The following LRP1B variants were observed in gnomAD, a reference collection of about 807,000 sequenced individuals.
LRP1B encodes the protein low-density lipoprotein receptor-related protein 1B.
LRP1B carries 217 observed loss-of-function variants against 556.6 expected under a neutral mutation model. The ratio of observed to expected loss-of-function variants is 0.39; its 90% confidence interval spans 0.35 to 0.44. LRP1B has a LOEUF of 0.44. Ranked by LOEUF, LRP1B falls within the 20% of genes least tolerant of loss-of-function variation. The pLI is 1.00. For missense variants in LRP1B, 5,053 were observed against 5,620.8 expected, an observed-to-expected ratio of 0.90 and a Z score of 3.23; for synonymous variants, 2,047 against 1,865.8, an observed-to-expected ratio of 1.10 and a Z score of -2.50.
At chr2:140,912,265 T>G (rs1694441920) in intron 21 of LRP1B, among the ~76,000 whole-genome samples, 1 of 151,742 alleles carries the variant, frequency 6.6e-6, no homozygotes, top group Non-Finnish European at 1.5e-5. Context: ...TTAAACATAT[T>G]GATTTTTACT....
At chr2:141,383,924 C>T in intron 3 of LRP1B, among the ~76,000 whole-genome samples, 1 of 152,080 alleles carries the variant, frequency 6.6e-6, no homozygotes, top group East Asian at 1.9e-4. Flanking sequence ...AAGTTCTAGA[C>T]ATCAATTTTA....
chr2:141,263,990 C>A (rs570334142), intron 3 of LRP1B, among the ~76,000 whole-genome samples: 1 of 152,210 alleles, frequency 6.6e-6, no homozygotes, highest in African/African-American at 2.4e-5. Flanking sequence ...TTTCTTCAAC[C>A]TAATGAATGA....
chr2:141,269,872 T>A (rs528229858), intron 3 of LRP1B, among the ~76,000 whole-genome samples: 1 of 152,076 alleles, frequency 6.6e-6, no homozygotes, highest in Non-Finnish European at 1.5e-5. Context: ...TAAATACATT[T>A]AAAAAACTTT....
intron 1 of LRP1B, among the ~76,000 whole-genome samples, chr2:141,916,726 A>G (rs1469530090): frequency 6.6e-6 from 1 of 151,922 alleles, no homozygotes. Flanking sequence ...TTGGGTAATC[A>G]TAGACATAAA....
intron 22 of LRP1B, among the ~76,000 whole-genome samples, 168 bp from the exon 23 acceptor site, chr2:140,903,333 T>C (rs934458292): frequency 2.1e-4 from 32 of 152,132 alleles, no homozygotes; most frequent in African/African-American, 6.3e-4. Context: ...ATAGAAATGA[T>C]GATAGGATTT....
At chr2:140,800,643 C>G (rs1278433616) in intron 32 of LRP1B, among the ~76,000 whole-genome samples, 1 of 152,062 alleles carries the variant, frequency 6.6e-6, no homozygotes, top group Non-Finnish European at 1.5e-5. Context: ...ATGAGACTAC[C>G]TTTAAGAACC....
intron 1 of LRP1B, among the ~76,000 whole-genome samples, chr2:141,909,695 A>T (rs1398909499): frequency 6.6e-6 from 1 of 151,914 alleles, no homozygotes. Flanking sequence ...GGAAAAACAT[A>T]ATAACTACTG....
chr2:141,461,751 C>A (rs1406141485), intron 3 of LRP1B, among the ~76,000 whole-genome samples: 1 of 152,132 alleles, frequency 6.6e-6, no homozygotes, highest in Non-Finnish European at 1.5e-5. Flanking sequence ...TCAATATCCC[C>A]CTCTGTTGGA....
intron 1 of LRP1B, among the ~76,000 whole-genome samples, chr2:142,067,899 T>C (rs1041884660): frequency 6.6e-6 from 1 of 151,556 alleles, no homozygotes; most frequent in Non-Finnish European, 1.5e-5. Flanking sequence ...GAAAAATAAT[T>C]AAACTATTTG....
intron 1 of LRP1B, among the ~76,000 whole-genome samples, chr2:142,009,054 G>A (rs908052930): frequency 2.0e-5 from 3 of 152,018 alleles, no homozygotes; most frequent in African/African-American, 7.3e-5. Flanking sequence ...AGCATTCCTG[G>A]ACACTAACTT....
At chr2:140,395,176 C>T (rs1684196526) in intron 66 of LRP1B, among the ~76,000 whole-genome samples, 1 of 152,136 alleles carries the variant, frequency 6.6e-6, no homozygotes, top group African/African-American at 2.4e-5. Flanking sequence ...TCTGTATGTG[C>T]TACTTACATA....
intron 77 of LRP1B, among the ~76,000 whole-genome samples, chr2:140,343,189 C>T (rs535691537): frequency 6.6e-6 from 1 of 151,430 alleles, no homozygotes; most frequent in Non-Finnish European, 1.5e-5. Flanking sequence ...TATGTTCAAA[C>T]TTCACAGTAT....
At chr2:141,397,034 A>T (rs539546326) in intron 3 of LRP1B, among the ~76,000 whole-genome samples, 1 of 147,316 alleles carries the variant, frequency 6.8e-6, no homozygotes, top group South Asian at 2.2e-4. Flanking sequence ...AATCGCTTGA[A>T]CCTGGGGGAC....
At chr2:141,286,844 G>A in intron 3 of LRP1B, 1 of 337,126 alleles carries the variant, frequency 3.0e-6, no homozygotes, top group Non-Finnish European at 6.4e-6. Flanking sequence ...CTGCCCAATT[G>A]AACTTTCTGT....
At chr2:141,395,942 C>T (rs1257592236) in intron 3 of LRP1B, among the ~76,000 whole-genome samples, 1 of 152,164 alleles carries the variant, frequency 6.6e-6, no homozygotes, top group Non-Finnish European at 1.5e-5. Flanking sequence ...AGTCATTTAA[C>T]TGTTGCATAC....
intron 1 of LRP1B, among the ~76,000 whole-genome samples, chr2:141,902,195 C>A (rs2104935744): frequency 6.6e-6 from 1 of 151,388 alleles, no homozygotes; most frequent in South Asian, 2.1e-4. Flanking sequence ...ATAATAAAAA[C>A]TAAAAATAGC....
At chr2:140,518,446 C>T (rs1690012123) in intron 49 of LRP1B, among the ~76,000 whole-genome samples, 1 of 151,876 alleles carries the variant, frequency 6.6e-6, no homozygotes, top group African/African-American at 2.4e-5. Flanking sequence ...CTTATTAATA[C>T]TAGAAAGAGA....
intron 5 of LRP1B, among the ~76,000 whole-genome samples, chr2:141,242,677 C>G (rs535862835): frequency 1.4e-4 from 22 of 152,128 alleles, no homozygotes; most frequent in African/African-American, 5.1e-4. Flanking sequence ...GGGCACCATT[C>G]GATGCACTGA....
intron 25 of LRP1B, among the ~76,000 whole-genome samples, chr2:140,878,919 G>A (rs1456425374): frequency 6.6e-6 from 1 of 150,912 alleles, no homozygotes. Context: ...AACCCGGGAG[G>A]CAGAGTTTGC....
Sources: gnomAD v4.1 joint callset for allele counts (sites outside exome capture counted in the v4.1 genomes callset) on GRCh38, gnomAD v4.1.1 for gene constraint, MANE v1.5 for transcripts, NCBI Gene and HGNC (gene_info 2026-07-23, HGNC 2026-07-21) for gene names.